Variants in RNF122 observed in about 807,000 individuals in gnomAD.
RNF122 encodes ring finger protein 122.
RNF122 carries 17 observed loss-of-function variants against 24.2 expected under a neutral mutation model. The ratio of observed to expected loss-of-function variants is 0.70; its 90% CI spans 0.48 to 1.06. The LOEUF (loss-of-function observed/expected upper bound fraction) is 1.06. RNF122 is among the 50% of genes least tolerant of loss of function. The probability of loss-of-function intolerance (pLI) is 0.00; values close to 1 mark genes in which losing one functional copy is unlikely to be tolerated. For synonymous variants in RNF122, 65 were observed against 71.8 expected (o/e 0.91, Z 0.48); for missense variants, 168 against 198.1 (o/e 0.85, Z 0.91).
At chr8:33,565,972 G>A (rs1810616833) in intron 1 of RNF122, among the ~76,000 whole-genome samples, 1 of 152,194 alleles carries the variant, frequency 6.6e-6, no homozygotes, top group Non-Finnish European at 1.5e-5. Flanking sequence ...TCCTGCCTCA[G>A]CCTCCCAAGT....
intron 5 of RNF122, among the ~76,000 whole-genome samples, 187 bp from the exon 6 acceptor site, chr8:33,549,054 A>G (rs573230389): frequency 6.6e-6 from 1 of 151,936 alleles, no homozygotes; most frequent in South Asian, 2.1e-4. Context: ...AACCCCATCT[A>G]TACTAAAAAT....
At chr8:33,555,329 A>G (rs948725942) in intron 2 of RNF122, among the ~76,000 whole-genome samples, 4 of 152,018 alleles carry the variant, frequency 2.6e-5, no homozygotes, top group African/African-American at 7.3e-5. Context: ...CAGCCTCCCA[A>G]GTAGCTGGGA....
chr8:33,552,657 G>C (rs961929483), intron 2 of RNF122, among the ~76,000 whole-genome samples: 1 of 152,178 alleles, frequency 6.6e-6, no homozygotes, highest in Non-Finnish European at 1.5e-5. Context: ...ATGGCTTGCT[G>C]TGCAAATGGC....
Position 33,547,798 on chromosome 8 carries a change from G to GT in RNF122, c.*954dup, listed in dbSNP as rs1211104850. Reference sequence around the variant, plus strand: ...ATTAAATTTATTTTTCTTTAAATATGTAACTTTCTCCCACCCTCACCCACT... The same window carrying GT: ...ATTAAATTTATTTTTCTTTAAATATGTTAACTTTCTCCCACCCTCACCCACT... On this transcript the variant is annotated 3_prime_UTR_variant, in exon 6 of 6. Transcript: ENST00000256257. The GT allele has an allele frequency of 1.3e-5, 2 of 151,772 alleles. No homozygotes were observed. The highest frequency in any genetic ancestry group is 2.9e-5 in the Non-Finnish European group (2 of 67,976). The allele number at this position is 151,772 out of a possible 1,614,324, so 9.4% of individuals were successfully genotyped here. A position where few individuals can be genotyped will look rare whatever the true frequency, so the allele number is the denominator to read the frequency against.
At chr8:33,549,316 G>T (rs1458164315) in intron 5 of RNF122, 94 bp downstream of exon 5, 6 of 998,230 alleles carry the variant, frequency 6.0e-6, no homozygotes, top group Non-Finnish European at 9.7e-6. Context: ...CACGGATAAG[G>T]GGCAAATAGA....
At chr8:33,561,278 C>T (rs533648562) in intron 1 of RNF122, among the ~76,000 whole-genome samples, 4 of 152,222 alleles carry the variant, frequency 2.6e-5, no homozygotes, top group South Asian at 2.1e-4. Flanking sequence ...GAATTCTATA[C>T]GCTAATAACC....
Position 33,558,668 on chromosome 8 carries a change from G to C in RNF122, c.129C>G (p.Gly43=). The C allele has an allele frequency of 6.2e-7, 1 of 1,612,126 alleles. No individual in the cohort carries two copies. The highest frequency in any genetic ancestry group is 8.5e-7 in the Non-Finnish European group (1 of 1,178,718). The change falls in exon 2 of 6, where the codon GGC becomes GGG. Residue 43 remains glycine (G), a synonymous_variant. Coordinates refer to ENST00000256257, the MANE Select transcript of RNF122 (RefSeq NM_024787.3). ...TGAGCATGAAGACAAAGATGCCTGT[G>C]CCGAAGATGACCATATAGATGTTGA... ...LPLNIYMVIF[G]TGIFVFMLSL... is the part of the protein sequence containing the mutation.
chr8:33,550,649 G>T (rs1301731519), intron 4 of RNF122, among the ~76,000 whole-genome samples: 4 of 152,150 alleles, frequency 2.6e-5, no homozygotes, highest in Non-Finnish European at 5.9e-5. Flanking sequence ...TTAAGATGGG[G>T]TATATACAAA....
At chr8:33,551,981 G>A (rs1433274216) in intron 2 of RNF122, among the ~76,000 whole-genome samples, 7 of 152,174 alleles carry the variant, frequency 4.6e-5, no homozygotes, top group South Asian at 4.1e-4. Flanking sequence ...ATGGCATGCC[G>A]TTACTAATGG....
At chr8:33,551,243 CA>C in intron 3 of RNF122, 100 bp downstream of exon 3, 1 of 1,515,472 alleles carries the variant, frequency 6.6e-7, no homozygotes, top group South Asian at 1.1e-5. Context: ...GAGGTGAGGC[CA>C]GGGGGATTCC....
rs1038055851 is a variant in RNF122, at chr8:33,566,890, G to A, written c.-167C>T. Reference sequence around the variant, plus strand: ...TCCCTCCGGAGTGGGGGGCTTTGACGAGGCTGGTGTTCAGCCCAACAAAGA... The same window carrying A: ...TCCCTCCGGAGTGGGGGGCTTTGACAAGGCTGGTGTTCAGCCCAACAAAGA... On this transcript the variant is annotated 5_prime_UTR_variant, in exon 1 of 6. Coordinates refer to ENST00000256257, the MANE Select transcript of RNF122 (RefSeq NM_024787.3). The A allele has an allele frequency of 1.7e-5, 12 of 716,554 alleles. No individual in the cohort carries two copies. The highest frequency in any genetic ancestry group is 8.8e-5 in the African/African-American group (5 of 56,674). The allele number at this position is 716,554 out of a possible 1,614,324, so 44.4% of individuals were successfully genotyped here. A position where few individuals can be genotyped will look rare whatever the true frequency, so the allele number is the denominator to read the frequency against.
Position 33,558,615 on chromosome 8 carries a change from C to G in RNF122, c.182G>C (p.Ser61Thr). 1 of 1,602,610 alleles carries G rather than the reference C, an allele frequency of 6.2e-7. No individual in the cohort carries two copies. The highest frequency in any genetic ancestry group is 1.1e-5 in the South Asian group (1 of 89,828). Reference protein sequence around the residue: ...LSLIFCCYFISKLRNQAQSER... With the variant: ...LSLIFCCYFITKLRNQAQSER... ...CCCGGTCAGCCAGGGATCCACGCACCTGATAAAATAGCAGCAGAAGATAAG... is the reference window on the plus strand; with the variant it reads ...CCCGGTCAGCCAGGGATCCACGCACGTGATAAAATAGCAGCAGAAGATAAG... Residue 61 changes from serine to threonine, a missense_variant and splice_region_variant, in exon 2 of 6, where the codon AGC becomes ACC. Coordinates refer to ENST00000256257, the MANE Select transcript of RNF122 (RefSeq NM_024787.3).
chr8:33,558,522 C>T (rs1463934202), intron 2 of RNF122, 93 bp downstream of exon 2: 5 of 1,095,862 alleles, frequency 4.6e-6, no homozygotes, highest in African/African-American at 1.6e-5. Context: ...AGACTGGTGA[C>T]TCTGCTGTGG....
chr8:33,558,907 C>A, intron 1 of RNF122, 136 bp from the exon 2 acceptor site: 1 of 546,726 alleles, frequency 1.8e-6, no homozygotes, highest in South Asian at 4.1e-5. Flanking sequence ...AGTTTTATAT[C>A]CTAGTTCTAA....
chr8:33,562,477 G>C (rs1033432487), intron 1 of RNF122, among the ~76,000 whole-genome samples: 1 of 151,298 alleles, frequency 6.6e-6, no homozygotes, highest in Non-Finnish European at 1.5e-5. Flanking sequence ...GAGAGGTCGA[G>C]GCTGCAGTGA....
intron 1 of RNF122, among the ~76,000 whole-genome samples, chr8:33,563,902 C>G (rs927495374): frequency 1.3e-5 from 2 of 152,250 alleles, no homozygotes; most frequent in Admixed American, 6.5e-5. Context: ...CGATGGTCCC[C>G]GCAAGTCCTC....
At chr8:33,555,121 G>A (rs1214190318) in intron 2 of RNF122, among the ~76,000 whole-genome samples, 4 of 152,194 alleles carry the variant, frequency 2.6e-5, no homozygotes, top group Non-Finnish European at 4.4e-5. Flanking sequence ...AGGAACAGGT[G>A]GTGCTCAGTA....
At chr8:33,551,165 A>G in intron 3 of RNF122, 80 bp from the exon 4 acceptor site, 1 of 1,549,384 alleles carries the variant, frequency 6.5e-7, no homozygotes, top group African/African-American at 1.4e-5. Context: ...CAATGAAGGG[A>G]GTCCCCTGGA....
In RNF122 at chr8:33,548,240, C is replaced by T. The variant is rs1032237125; in HGVS notation, c.*513G>A. On this transcript the variant is annotated 3_prime_UTR_variant, in exon 6 of 6. Coordinates refer to ENST00000256257, the MANE Select transcript of RNF122 (RefSeq NM_024787.3). ...CATTTTCCTTTATGTCCCTGCTCTTCTGTTTCATACAGAGCCTCCCTCGCC... is the reference window on the plus strand; with the variant it reads ...CATTTTCCTTTATGTCCCTGCTCTTTTGTTTCATACAGAGCCTCCCTCGCC... 1 of 152,660 alleles carries T rather than the reference C, an allele frequency of 6.6e-6. No homozygotes were observed. The highest frequency in any genetic ancestry group is 1.5e-5 in the Non-Finnish European group (1 of 68,094). The allele number at this position is 152,660 out of a possible 1,614,324, so 9.5% of individuals were successfully genotyped here. A position where few individuals can be genotyped will look rare whatever the true frequency, so the allele number is the denominator to read the frequency against.
Sources: gnomAD v4.1 joint callset for allele counts (sites outside exome capture counted in the v4.1 genomes callset) on GRCh38, gnomAD v4.1.1 for gene constraint, MANE v1.5 for transcripts, NCBI Gene and HGNC (gene_info 2026-07-23, HGNC 2026-07-21) for gene names.